LYPLAL1: variants seen among roughly 807,000 people sequenced by gnomAD.
The protein encoded by LYPLAL1 is lysophospholipase like 1.
In LYPLAL1, 23 loss-of-function variants were observed where a neutral mutation model predicts 19.7. The observed-to-expected ratio is 1.17, with a 90% confidence interval of 0.84 to 1.65. LYPLAL1 has a LOEUF of 1.65. LYPLAL1 is among the 40% of genes most tolerant of loss of function. LYPLAL1 has a pLI of 0.00. For synonymous variants in LYPLAL1, 119 were observed against 96.3 expected (o/e 1.24, Z -1.38); for missense variants, 355 against 279.4 (o/e 1.27, Z -1.93).
chr1:219,384,543 T>C, the LYPLAL1 span, among the ~76,000 whole-genome samples: 2 of 152,216 alleles, frequency 1.3e-5, no homozygotes, highest in Non-Finnish European at 2.9e-5. Context: ...GTAATGTCAA[T>C]TGATTGAATT....
Position 219,203,037 on chromosome 1 carries a change from G to A in LYPLAL1, c.362-7495G>A, listed in dbSNP as rs567530763. ...TTATAATGGGAAAAACTAGCAAAAT[G>A]TAAGATTGGAAAAGAAATATGAAGG... On this transcript the variant is annotated intron_variant, in intron 3 of 4. Transcript: ENST00000366928. 1.9e-3 allele frequency among the ~76,000 whole-genome samples: 287 copies of A among 152,152 alleles called. 2 individuals carry two copies. The highest frequency in any genetic ancestry group is 6.5e-3 in the African/African-American group (271 of 41,516).
In LYPLAL1 at chr1:219,174,000, T is replaced by G. The variant is rs1168105568; in HGVS notation, c.91+19T>G. 1 of 1,613,872 alleles carries G rather than the reference T, an allele frequency of 6.2e-7. No homozygotes were observed. On this transcript the variant is annotated intron_variant, in intron 1 of 4. Coordinates refer to ENST00000366928, the MANE Select transcript of LYPLAL1 (RefSeq NM_138794.5). Reference sequence around the variant, plus strand: ...GGCTCAGGTGGATTTCAATTTTACGTCCTGGTTTTCTACAGCTCGGGAAAC... The same window carrying G: ...GGCTCAGGTGGATTTCAATTTTACGGCCTGGTTTTCTACAGCTCGGGAAAC...
chr1:219,381,196 G>A, the LYPLAL1 span, among the ~76,000 whole-genome samples: 265 of 152,242 alleles, frequency 1.7e-3, 1 homozygote, highest in African/African-American at 6.2e-3. Flanking sequence ...AGTCTCATGA[G>A]ATCCGATGGT....
At chr1:219,290,592 A>C in the LYPLAL1 span, among the ~76,000 whole-genome samples, 1 of 152,208 alleles carries the variant, frequency 6.6e-6, no homozygotes, top group Admixed American at 6.6e-5. Flanking sequence ...GTTATCCTAT[A>C]TATAAACAAG....
the LYPLAL1 span, among the ~76,000 whole-genome samples, chr1:219,319,626 C>A: frequency 5.3e-5 from 8 of 152,286 alleles, no homozygotes; most frequent in South Asian, 1.7e-3. Context: ...AAGAAATGTG[C>A]TTCACAGGGT....
chr1:219,426,963 C>G, the LYPLAL1 span, among the ~76,000 whole-genome samples: 21 of 152,322 alleles, frequency 1.4e-4, no homozygotes, highest in South Asian at 4.3e-3. Flanking sequence ...TGCCCAAAGG[C>G]AATATGGCTA....
the LYPLAL1 span, among the ~76,000 whole-genome samples, chr1:219,416,462 G>C: frequency 6.6e-6 from 1 of 152,200 alleles, no homozygotes; most frequent in Non-Finnish European, 1.5e-5. Flanking sequence ...GAGTGAGGTG[G>C]TGGTGTTAGA....
chr1:219,203,984 AATGGAT>A (rs1658334928), intron 3 of LYPLAL1, among the ~76,000 whole-genome samples: 1 of 152,178 alleles, frequency 6.6e-6, no homozygotes, highest in Non-Finnish European at 1.5e-5. Flanking sequence ...AGCTTTCTGC[AATGGAT>A]ATGCACTGCT....
chr1:219,276,933 T>A, the LYPLAL1 span, among the ~76,000 whole-genome samples: 1 of 152,190 alleles, frequency 6.6e-6, no homozygotes. Context: ...TTTTATCACA[T>A]CAAGACTAAG....
intron 2 of LYPLAL1, among the ~76,000 whole-genome samples, chr1:219,192,069 A>T (rs1002307471): frequency 2.6e-5 from 4 of 151,334 alleles, no homozygotes; most frequent in African/African-American, 7.3e-5. Context: ...AAAATGGTGT[A>T]ATTTTGTTCC....
At chr1:219,310,574 A>G in the LYPLAL1 span, among the ~76,000 whole-genome samples, 1 of 152,198 alleles carries the variant, frequency 6.6e-6, no homozygotes, top group Non-Finnish European at 1.5e-5. Context: ...CACTTTGTCT[A>G]AGCTTGGACT....
At chr1:219,286,604 C>T in the LYPLAL1 span, among the ~76,000 whole-genome samples, 5 of 152,200 alleles carry the variant, frequency 3.3e-5, no homozygotes, top group Non-Finnish European at 7.3e-5. Flanking sequence ...GCTGCCAGGC[C>T]TCCTAGGCAC....
At chr1:219,372,712 C>A in the LYPLAL1 span, among the ~76,000 whole-genome samples, 2 of 152,000 alleles carry the variant, frequency 1.3e-5, no homozygotes, top group African/African-American at 4.8e-5. Flanking sequence ...CTAACCTGGG[C>A]AACATGGTGA....
chr1:219,312,887 T>A, the LYPLAL1 span, among the ~76,000 whole-genome samples: 1 of 152,178 alleles, frequency 6.6e-6, no homozygotes, highest in African/African-American at 2.4e-5. Flanking sequence ...TAACCAGAAG[T>A]CTTATCACTG....
the LYPLAL1 span, among the ~76,000 whole-genome samples, chr1:219,412,362 C>T: frequency 6.6e-6 from 1 of 152,200 alleles, no homozygotes; most frequent in South Asian, 2.1e-4. Flanking sequence ...TTAATGTTGG[C>T]ACTTCCTCCC....
chr1:219,179,828 A>G (rs1026840919), intron 2 of LYPLAL1, among the ~76,000 whole-genome samples: 1 of 152,116 alleles, frequency 6.6e-6, no homozygotes, highest in African/African-American at 2.4e-5. Context: ...AGGTCAAACT[A>G]CTCTTTGTAA....
chr1:219,243,869 A>G, the LYPLAL1 span, among the ~76,000 whole-genome samples: 6 of 150,862 alleles, frequency 4.0e-5, no homozygotes, highest in Non-Finnish European at 8.8e-5. Context: ...CAGAGAGCCT[A>G]GATCGCACCA....
intron 1 of LYPLAL1, among the ~76,000 whole-genome samples, chr1:219,175,214 C>G (rs1655715374): frequency 6.6e-6 from 1 of 152,118 alleles, no homozygotes; most frequent in African/African-American, 2.4e-5. Context: ...GCTCTCCGAC[C>G]TCAAACTCAG....
chr1:219,353,410 G>A, the LYPLAL1 span, among the ~76,000 whole-genome samples: 1 of 152,212 alleles, frequency 6.6e-6, no homozygotes, highest in African/African-American at 2.4e-5. Context: ...GACAACTATT[G>A]GAGACAGATA....
Sources: allele counts gnomAD v4.1 joint callset (sites outside exome capture counted in the v4.1 genomes callset), GRCh38; gene constraint gnomAD v4.1.1; transcripts MANE v1.5; gene names NCBI Gene and HGNC (gene_info 2026-07-23, HGNC 2026-07-21).